Variants in ST8SIA2 observed in about 807,000 individuals in gnomAD.
ST8SIA2 encodes alpha-2,8-sialyltransferase 8B.
ST8SIA2 carries 22 observed loss-of-function variants against 37.6 expected under a neutral mutation model. The ratio of observed to expected loss-of-function variants is 0.58; its 90% CI spans 0.42 to 0.83. ST8SIA2 has a LOEUF of 0.83. Among genes scored for constraint, ST8SIA2 ranks in the 40% least tolerant of loss-of-function variants. ST8SIA2 has a pLI of 0.00. For synonymous variants in ST8SIA2, 205 were observed against 201.2 expected (o/e 1.02, Z -0.16); for missense variants, 382 against 484.7 (o/e 0.79, Z 1.99).
At chr15:92,414,843 G>A (rs115457454) in intron 1 of ST8SIA2, among the ~76,000 whole-genome samples, 2,240 of 152,338 alleles carry the variant, frequency 0.015, 55 homozygotes, top group African/African-American at 0.049. Context: ...TTAGTTGGAC[G>A]CAGCCATTTC....
chr15:92,411,061 C>T (rs1035919534), intron 1 of ST8SIA2, among the ~76,000 whole-genome samples: 2 of 152,184 alleles, frequency 1.3e-5, no homozygotes, highest in African/African-American at 4.8e-5. Flanking sequence ...CTGTCAAGGG[C>T]TGAAGAACTC....
At chr15:92,408,568 A>G (rs1288836517) in intron 1 of ST8SIA2, among the ~76,000 whole-genome samples, 1 of 152,100 alleles carries the variant, frequency 6.6e-6, no homozygotes, top group East Asian at 1.9e-4. Context: ...CTGATATTCT[A>G]GGATCACTTA....
intron 1 of ST8SIA2, among the ~76,000 whole-genome samples, chr15:92,417,028 G>C (rs865903982): frequency 6.6e-6 from 1 of 152,206 alleles, no homozygotes; most frequent in Non-Finnish European, 1.5e-5. Context: ...GCAGCAACTG[G>C]TTTGTTCCTT....
chr15:92,406,764 G>A (rs1234921886), intron 1 of ST8SIA2, among the ~76,000 whole-genome samples: 2 of 152,116 alleles, frequency 1.3e-5, no homozygotes, highest in African/African-American at 4.8e-5. Flanking sequence ...GGGAGGCAGA[G>A]GTGAGTAGAT....
chr15:92,467,750 C>T lies in ST8SIA2; in HGVS notation c.*3365C>T, dbSNP rs1182742862. ...GACATGCCTTACACTGGCGTCCTCT[C>T]CTGAGTCCCTCCGCACTCTCCATCA... is the stretch of plus-strand genomic sequence containing the variant. On this transcript the variant is annotated 3_prime_UTR_variant, in exon 6 of 6. Transcript: ENST00000268164. 6.6e-6 allele frequency: 1 copy of T among 152,666 alleles called. No individual in the cohort carries two copies. The highest frequency in any genetic ancestry group is 2.4e-5 in the African/African-American group (1 of 41,414). 9.5% of individuals were successfully genotyped at this position (152,666 alleles called of 1,614,324 possible). A position where few individuals can be genotyped will look rare whatever the true frequency, so the allele number is the denominator to read the frequency against.
chr15:92,451,533 T>G (rs2049881770), intron 5 of ST8SIA2, among the ~76,000 whole-genome samples: 1 of 152,204 alleles, frequency 6.6e-6, no homozygotes, highest in African/African-American at 2.4e-5. Flanking sequence ...TCAATTTGTT[T>G]GGCTGCCCCT....
At chr15:92,403,034 T>C (rs2049483021) in intron 1 of ST8SIA2, among the ~76,000 whole-genome samples, 1 of 152,022 alleles carries the variant, frequency 6.6e-6, no homozygotes, top group Admixed American at 6.5e-5. Context: ...GAGGGAGCCC[T>C]TCGGGGAGGG....
At chr15:92,405,254 G>A (rs529512834) in intron 1 of ST8SIA2, among the ~76,000 whole-genome samples, 8 of 152,346 alleles carry the variant, frequency 5.3e-5, no homozygotes, top group African/African-American at 1.4e-4. Context: ...ATGGTTCTAC[G>A]TACATGAGGC....
At chr15:92,447,583 GA>G (rs2049851382) in intron 5 of ST8SIA2, among the ~76,000 whole-genome samples, 1 of 152,158 alleles carries the variant, frequency 6.6e-6, no homozygotes, top group African/African-American at 2.4e-5. Context: ...AACTCAGTGT[GA>G]CCCTGGGAAG....
rs1293877429 is a variant in ST8SIA2 at position 92,466,281 on chromosome 15, C to T, written c.*1896C>T. ...AGCCTCTGTGGGAACTGAGTGGTTT[C>T]GGACTCCTCACAGGCGGTGGAAATA... is the stretch of plus-strand genomic sequence containing the variant. On this transcript the variant is annotated 3_prime_UTR_variant, in exon 6 of 6. Transcript: ENST00000268164. 1 of 152,192 alleles carries T rather than the reference C, an allele frequency of 6.6e-6. No homozygotes were observed. The highest frequency in any genetic ancestry group is 1.5e-5 in the Non-Finnish European group (1 of 68,034). The allele number at this position is 152,192 out of a possible 1,614,324, so 9.4% of individuals were successfully genotyped here.
intron 5 of ST8SIA2, among the ~76,000 whole-genome samples, chr15:92,453,614 C>T (rs1724636273): frequency 6.6e-6 from 1 of 152,172 alleles, no homozygotes. Context: ...TGGCGATGGC[C>T]TTGCTTTTCT....
intron 4 of ST8SIA2, among the ~76,000 whole-genome samples, chr15:92,440,844 T>C (rs1209502928): frequency 1.3e-5 from 2 of 152,204 alleles, no homozygotes; most frequent in African/African-American, 2.4e-5. Flanking sequence ...AAGCATTAAA[T>C]GAGACGGCAT....
chr15:92,402,306 A>G (rs1842026072), intron 1 of ST8SIA2, among the ~76,000 whole-genome samples: 1 of 152,206 alleles, frequency 6.6e-6, no homozygotes. Context: ...CTGGGGTCCA[A>G]ATGATTTTCT....
chr15:92,455,095 A>C (rs1185166944), intron 5 of ST8SIA2, among the ~76,000 whole-genome samples: 1 of 152,066 alleles, frequency 6.6e-6, no homozygotes, highest in East Asian at 1.9e-4. Flanking sequence ...CCAAGGTGAG[A>C]GAAGAGTAAG....
chr15:92,416,210 A>G (rs1309861529), intron 1 of ST8SIA2, among the ~76,000 whole-genome samples: 3 of 20,344 alleles, frequency 1.5e-4, no homozygotes, highest in African/African-American at 6.1e-4. Flanking sequence ...TCAAATCTGG[A>G]GGCTGGGGGA....
chr15:92,404,667 CAAAA>C (rs35691790), intron 1 of ST8SIA2, among the ~76,000 whole-genome samples: 2 of 105,194 alleles, frequency 1.9e-5, no homozygotes, highest in Non-Finnish European at 3.9e-5. Context: ...ACTAAAAATA[CAAAA>C]AAAAAAAAAA....
intron 5 of ST8SIA2, among the ~76,000 whole-genome samples, chr15:92,461,224 T>C (rs1196708632): frequency 6.6e-6 from 1 of 152,072 alleles, no homozygotes; most frequent in Non-Finnish European, 1.5e-5. Context: ...ACCCCACCCA[T>C]AGTCTGCCCC....
Position 92,444,820 on chromosome 15 carries a change from G to GC in ST8SIA2, c.736dup (p.Arg246ProfsTer8). The GC allele has an allele frequency of 6.2e-7, 1 of 1,614,084 alleles. No individual in the cohort carries two copies. The highest frequency in any genetic ancestry group is 1.1e-5 in the South Asian group (1 of 91,088). On this transcript the variant is annotated frameshift_variant, in exon 5 of 6. Transcript: ENST00000268164. LOFTEE classifies it high-confidence loss of function. ...CATCCTGTGGATCCCTGCCTTCATG[G>GC]CCCGGGGCGGCAAGGAGCGTGTTGA...
intron 4 of ST8SIA2, among the ~76,000 whole-genome samples, chr15:92,442,796 G>A (rs2049812833): frequency 6.6e-6 from 1 of 152,200 alleles, no homozygotes; most frequent in Admixed American, 6.5e-5. Flanking sequence ...AGGCCTAGGG[G>A]CAGGGATGGG....
Sources: allele counts gnomAD v4.1 joint callset (sites outside exome capture counted in the v4.1 genomes callset), GRCh38; gene constraint gnomAD v4.1.1; transcripts MANE v1.5; gene names NCBI Gene and HGNC (gene_info 2026-07-23, HGNC 2026-07-21).